R3HCC1L: variants seen among roughly 807,000 people sequenced by gnomAD.
The protein encoded by R3HCC1L is R3H domain and coiled-coil containing 1 like, also known as coiled-coil domain-containing protein R3HCC1L.
R3HCC1L carries 51 observed loss-of-function variants against 59.9 expected under a neutral mutation model. The ratio of observed to expected loss-of-function variants is 0.85; its 90% CI spans 0.68 to 1.07. The LOEUF (loss-of-function observed/expected upper bound fraction) is 1.07, where lower values mean the gene tolerates loss of function less well. R3HCC1L is among the 50% of genes least tolerant of loss of function. The pLI, the probability that R3HCC1L is intolerant of heterozygous loss-of-function variation, is 0.00. For missense variants in R3HCC1L, 965 were observed against 933.0 expected (o/e 1.03, Z -0.45); for synonymous variants, 322 against 315.2 (o/e 1.02, Z -0.23).
chr10:98,190,495 TTAGAA>T (rs1480363094), intron 4 of R3HCC1L, among the ~76,000 whole-genome samples: 9 of 152,176 alleles, frequency 5.9e-5, no homozygotes, highest in African/African-American at 1.7e-4. Flanking sequence ...AATATGCTGT[TTAGAA>T]TAGTATTTCA....
intron 6 of R3HCC1L, among the ~76,000 whole-genome samples, chr10:98,232,330 C>T (rs893340749): frequency 5.3e-5 from 8 of 152,106 alleles, no homozygotes; most frequent in South Asian, 2.1e-4. Context: ...TTCTTTTTTA[C>T]GCTCTGCTCC....
intron 4 of R3HCC1L, among the ~76,000 whole-genome samples, chr10:98,165,135 C>T (rs1265109734): frequency 1.3e-5 from 2 of 152,188 alleles, no homozygotes; most frequent in Non-Finnish European, 2.9e-5. Context: ...GTGGTGTACG[C>T]CTGTAATCCC....
In R3HCC1L at chr10:98,161,584, C is replaced by A. The variant is rs115326875; in HGVS notation, c.-212-1299C>A. On this transcript the variant is annotated intron_variant, in intron 2 of 9. Transcript: ENST00000298999. ...CCTTGGACCCATGGTAAATAACTCA[C>A]CTGTGTTTTCTTCTAATACTTCTGT... Among the ~76,000 whole-genome samples the A allele has an allele frequency of 2.5e-3, 378 of 152,138 alleles. 6 individuals are homozygous for A. The highest frequency in any genetic ancestry group is 0.01 in the Middle Eastern group (3 of 294).
chr10:98,159,142 T>C (rs759937934), intron 2 of R3HCC1L, among the ~76,000 whole-genome samples: 17 of 152,186 alleles, frequency 1.1e-4, no homozygotes, highest in Non-Finnish European at 2.4e-4. Flanking sequence ...AAGACAGTTA[T>C]TTTGTAGAAC....
At chr10:98,188,416 A>G (rs1447032011) in intron 4 of R3HCC1L, among the ~76,000 whole-genome samples, 2 of 152,192 alleles carry the variant, frequency 1.3e-5, no homozygotes, top group Non-Finnish European at 1.5e-5. Flanking sequence ...ATTTAGAACT[A>G]CATCTCAAAA....
intron 4 of R3HCC1L, among the ~76,000 whole-genome samples, chr10:98,169,830 T>C (rs1848337761): frequency 6.6e-6 from 1 of 152,094 alleles, no homozygotes; most frequent in South Asian, 2.1e-4. Flanking sequence ...TTAGGGAATA[T>C]GTAAAACTAA....
At chr10:98,216,351 A>G (rs1296890508) in intron 5 of R3HCC1L, among the ~76,000 whole-genome samples, 1 of 151,952 alleles carries the variant, frequency 6.6e-6, no homozygotes. Context: ...TCATCTCTAC[A>G]AAAAATACAA....
intron 9 of R3HCC1L, among the ~76,000 whole-genome samples, chr10:98,239,391 A>G (rs1422478491): frequency 1.3e-5 from 2 of 152,200 alleles, no homozygotes; most frequent in Non-Finnish European, 2.9e-5. Context: ...ATTGAAATCT[A>G]TATATCATCC....
In R3HCC1L at chr10:98,209,850, CTA is replaced by C; in HGVS notation, c.1738_1739del (p.Met580ValfsTer2). On this transcript the variant is annotated frameshift_variant, in exon 5 of 10. Transcript: ENST00000298999. LOFTEE classifies it high-confidence loss of function. The stretch of plus-strand genomic sequence containing the variant: ...ACTGCCATTGAGGAGAGCTGGGAGT[CTA>C]TGTTTAACGATGATGGTGACTGCCT... The C allele has an allele frequency of 6.2e-7, 1 of 1,613,578 alleles. No individual in the cohort carries two copies. Among genetic ancestry groups the C allele is most frequent in the Non-Finnish European group, 8.5e-7 (1 of 1,179,700 alleles).
intron 4 of R3HCC1L, among the ~76,000 whole-genome samples, chr10:98,167,807 C>G (rs1848104220): frequency 6.6e-6 from 1 of 152,160 alleles, no homozygotes; most frequent in Non-Finnish European, 1.5e-5. Flanking sequence ...ATAGCTACCT[C>G]TTAGTATTGT....
At chr10:98,228,627 C>G (rs954226848) in intron 5 of R3HCC1L, among the ~76,000 whole-genome samples, 6 of 152,098 alleles carry the variant, frequency 3.9e-5, no homozygotes, top group South Asian at 2.1e-4. Context: ...GTTGCCATTG[C>G]TTTTGGTGTT....
chr10:98,222,987 AG>A (rs1590784036), intron 5 of R3HCC1L, among the ~76,000 whole-genome samples: 1 of 152,166 alleles, frequency 6.6e-6, no homozygotes, highest in African/African-American at 2.4e-5. Flanking sequence ...AGACTAAACC[AG>A]GAAGAAGTTG....
chr10:98,170,778 A>G (rs535454251), intron 4 of R3HCC1L, among the ~76,000 whole-genome samples: 1 of 152,370 alleles, frequency 6.6e-6, no homozygotes, highest in East Asian at 1.9e-4. Flanking sequence ...TGAAGAGGAC[A>G]CATTGACCCT....
intron 1 of R3HCC1L, among the ~76,000 whole-genome samples, chr10:98,149,228 TC>T (rs1845929356): frequency 6.6e-6 from 1 of 152,166 alleles, no homozygotes. Context: ...TGTCTCCTTT[TC>T]ATTTCTGATT....
intron 1 of R3HCC1L, among the ~76,000 whole-genome samples, chr10:98,154,786 TAG>T (rs1305746881): frequency 1.3e-5 from 2 of 152,230 alleles, no homozygotes; most frequent in Non-Finnish European, 2.9e-5. Context: ...TTATTCTTGA[TAG>T]AGTTTTTATA....
At chr10:98,181,896 C>A (rs1406514092) in intron 4 of R3HCC1L, among the ~76,000 whole-genome samples, 1 of 152,156 alleles carries the variant, frequency 6.6e-6, no homozygotes, top group Non-Finnish European at 1.5e-5. Context: ...ACTGTTTATT[C>A]TAGTTACATT....
chr10:98,227,331 C>T (rs928047367), intron 5 of R3HCC1L, among the ~76,000 whole-genome samples: 9 of 152,130 alleles, frequency 5.9e-5, no homozygotes, highest in Admixed American at 5.2e-4. Flanking sequence ...TTGATATTAT[C>T]CAAATCACCT....
In R3HCC1L at chr10:98,181,694, T is replaced by C. The variant is rs554160198; in HGVS notation, c.-15+18297T>C. 1.1e-3 allele frequency among the ~76,000 whole-genome samples: 168 copies of C among 152,340 alleles called. 1 individual carries two copies. In the South Asian group the frequency reaches 0.033, roughly 30 times the overall value. On this transcript the variant is annotated intron_variant, in intron 4 of 9. Transcript: ENST00000298999. ...TGGTCTTTTCACATAGTCCCATATTTCCTGGAGCCTTTGTTCATTTCTTTT... is the reference window on the plus strand; with the variant it reads ...TGGTCTTTTCACATAGTCCCATATTCCCTGGAGCCTTTGTTCATTTCTTTT...
chr10:98,146,700 C>G (rs560590620), intron 1 of R3HCC1L, among the ~76,000 whole-genome samples: 2 of 152,342 alleles, frequency 1.3e-5, no homozygotes, highest in Admixed American at 1.3e-4. Context: ...GGGCAACCTT[C>G]TGAACCAGAA....
Sources: gnomAD v4.1 joint callset for allele counts (sites outside exome capture counted in the v4.1 genomes callset) on GRCh38, gnomAD v4.1.1 for gene constraint, MANE v1.5 for transcripts, NCBI Gene and HGNC (gene_info 2026-07-23, HGNC 2026-07-21) for gene names.